Variants in CEP350 observed in about 807,000 individuals in gnomAD.
The protein encoded by CEP350 is centrosomal protein 350.
In CEP350, 126 loss-of-function variants were observed where a neutral mutation model predicts 331.8. The ratio of observed to expected loss-of-function variants is 0.38; its 90% confidence interval spans 0.33 to 0.44. The LOEUF (loss-of-function observed/expected upper bound fraction) is 0.44. Among genes scored for constraint, CEP350 ranks in the 20% least tolerant of loss-of-function variants. CEP350 has a pLI of 1.00. For missense variants in CEP350, 3,406 were observed against 3,634.6 expected, an observed-to-expected ratio of 0.94 and a Z score of 1.62; for synonymous variants, 1,200 against 1,259.5, an observed-to-expected ratio of 0.95 and a Z score of 1.00.
chr1:180,102,032 G>A (rs1284233537), intron 37 of CEP350, among the ~76,000 whole-genome samples: 1 of 152,138 alleles, frequency 6.6e-6, no homozygotes, highest in African/African-American at 2.4e-5. Context: ...GTATTGGGTA[G>A]GACCCTCTCA....
rs879040644 is a variant in CEP350, at chr1:180,003,051, G to A, written c.1019-123G>A. 19 of 640,282 alleles carry A rather than the reference G, an allele frequency of 3.0e-5. No individual in the cohort carries two copies. The South Asian group carries it at 3.7e-4, about 13-fold the overall frequency. 39.7% of individuals were successfully genotyped at this position (640,282 alleles called of 1,614,324 possible). A position where few individuals can be genotyped will look rare whatever the true frequency, so the allele number is the denominator to read the frequency against. On this transcript the variant is annotated intron_variant, in intron 6 of 37. Coordinates refer to ENST00000367607, the MANE Select transcript of CEP350 (RefSeq NM_014810.5). ...TTTTGTGAATATACTATAAACCACT[G>A]AATTGTAACACTAAAAGAGTGAATT...
chr1:180,052,823 TTTTG>T (rs1304465729), intron 22 of CEP350, 143 bp from the exon 23 acceptor site: 36 of 416,350 alleles, frequency 8.6e-5, no homozygotes, highest in Non-Finnish European at 1.4e-4. Context: ...GGCAAATGAA[TTTTG>T]TTTATTATTT....
At chr1:180,097,522 A>C (rs1460332152) in intron 36 of CEP350, among the ~76,000 whole-genome samples, 1 of 152,196 alleles carries the variant, frequency 6.6e-6, no homozygotes, top group Non-Finnish European at 1.5e-5. Flanking sequence ...CTGATTCATA[A>C]ATGTGTCCCT....
In CEP350 at chr1:180,020,670, T is replaced by G; in HGVS notation, c.2896T>G (p.Cys966Gly). Residue 966 changes from cysteine to glycine, a missense_variant, in exon 12 of 38, where the codon TGT (cysteine) becomes GGT (glycine). This residue lies in a region of CEP350 where 1,857 missense variants were observed against 1,909.2 expected (regional missense o/e 0.97). Transcript: ENST00000367607. Reference sequence around the variant, plus strand: ...CTCTTCTAGCTCTGATATGCAAGCCTGTTCTCAAGACAAAGCCAAAATATC... The same window carrying G: ...CTCTTCTAGCTCTGATATGCAAGCCGGTTCTCAAGACAAAGCCAAAATATC... ...TDSSSSDMQACSQDKAKISLG... is the reference protein window; with the variant it reads ...TDSSSSDMQAGSQDKAKISLG... 1 of 1,614,040 alleles carries G rather than the reference T, an allele frequency of 6.2e-7. No homozygotes were observed. Among genetic ancestry groups the G allele is most frequent in the Non-Finnish European group, 8.5e-7 (1 of 1,179,902 alleles).
intron 1 of CEP350, among the ~76,000 whole-genome samples, chr1:179,976,773 G>A (rs1447463868): frequency 6.6e-6 from 1 of 152,100 alleles, no homozygotes; most frequent in Non-Finnish European, 1.5e-5. Flanking sequence ...TTAGAGGTTT[G>A]AAATGAATGA....
chr1:180,090,556 AAAAAAAAAAAAAAAG>A (rs1558152358), intron 32 of CEP350, among the ~76,000 whole-genome samples, 143 bp from the exon 33 acceptor site: 2 of 75,614 alleles, frequency 2.6e-5, no homozygotes, highest in Non-Finnish European at 6.8e-5. Context: ...AAAAAAAAAA[AAAAAAAAAAAAAAAG>A]AAATAGGCTT....
intron 31 of CEP350, among the ~76,000 whole-genome samples, chr1:180,085,029 C>G (rs1659778812): frequency 6.7e-6 from 1 of 150,342 alleles, no homozygotes; most frequent in Non-Finnish European, 1.5e-5. Context: ...CTTCCCTTCC[C>G]CCTTTCCTCT....
At chr1:180,080,298 A>C (rs1019012117) in intron 29 of CEP350, among the ~76,000 whole-genome samples, 12 of 150,560 alleles carry the variant, frequency 8.0e-5, no homozygotes, top group Non-Finnish European at 1.6e-4. Context: ...CTATGCCTTC[A>C]AAAAAAAATG....
intron 19 of CEP350, 34 bp downstream of exon 19, chr1:180,041,836 T>A (rs1339870569): frequency 6.3e-7 from 1 of 1,584,368 alleles, no homozygotes; most frequent in Admixed American, 1.8e-5. Flanking sequence ...TCTTTTTACT[T>A]CTTTTTAGTC....
intron 22 of CEP350, chr1:180,052,115 C>G: frequency 2.4e-6 from 1 of 419,016 alleles, no homozygotes; most frequent in South Asian, 1.7e-5. Flanking sequence ...TAATATACAT[C>G]CATATATTAC....
chr1:180,087,458 G>T lies in CEP350; in HGVS notation c.6286-120G>T, dbSNP rs571237813. ...TGATGCTGAGGGGGGCAGGGAGGGA[G>T]ATTTTTATATTACATCTTCTTTACT... On this transcript the variant is annotated intron_variant, in intron 31 of 37. Transcript: ENST00000367607. 1.6e-5 allele frequency: 15 copies of T among 936,260 alleles called. No homozygotes were observed. The African/African-American group carries it at 2.6e-4, about 16-fold the overall frequency. The allele number at this position is 936,260 out of a possible 1,614,324, so 58.0% of individuals were successfully genotyped here. A position where few individuals can be genotyped will look rare whatever the true frequency, so the allele number is the denominator to read the frequency against.
chr1:180,057,689 A>G (rs1333387031), intron 25 of CEP350, among the ~76,000 whole-genome samples: 1 of 151,782 alleles, frequency 6.6e-6, no homozygotes, highest in Non-Finnish European at 1.5e-5. Context: ...TTCTTTTGCT[A>G]TTTTATTAGA....
At chr1:180,063,068 C>A (rs2149011615) in intron 26 of CEP350, among the ~76,000 whole-genome samples, 1 of 151,914 alleles carries the variant, frequency 6.6e-6, no homozygotes, top group East Asian at 1.9e-4. Context: ...CAAACAAATT[C>A]TTCAGAATTA....
chr1:180,096,229 C>A, intron 36 of CEP350, 45 bp downstream of exon 36: 2 of 1,511,724 alleles, frequency 1.3e-6, no homozygotes, highest in South Asian at 1.3e-5. Context: ...ACTTGCTGTT[C>A]ATTTACACAT....
chr1:179,972,107 G>T (rs1194978656), intron 1 of CEP350, among the ~76,000 whole-genome samples: 1 of 152,160 alleles, frequency 6.6e-6, no homozygotes, highest in Non-Finnish European at 1.5e-5. Context: ...TAATGAGCTG[G>T]CTCTTGGAGA....
chr1:180,039,297 G>C (rs1656595183), intron 17 of CEP350, among the ~76,000 whole-genome samples: 1 of 135,956 alleles, frequency 7.4e-6, no homozygotes, highest in Non-Finnish European at 1.6e-5. Context: ...GGAGGGGAGG[G>C]AGGGGAGGGA....
chr1:180,085,055 T>A (rs1326281393), intron 31 of CEP350, among the ~76,000 whole-genome samples: 1 of 151,374 alleles, frequency 6.6e-6, no homozygotes, highest in Non-Finnish European at 1.5e-5. Flanking sequence ...CTTCCTTCCC[T>A]CTTCCCTGTC....
chr1:180,066,159 CATT>C (rs1658538762), intron 27 of CEP350, among the ~76,000 whole-genome samples: 1 of 152,140 alleles, frequency 6.6e-6, no homozygotes, highest in Non-Finnish European at 1.5e-5. Context: ...AGTTGTACAT[CATT>C]GTTGACCATA....
chr1:180,074,001 T>A (rs1659059454), intron 27 of CEP350: 4 of 1,161,612 alleles, frequency 3.4e-6, no homozygotes, highest in South Asian at 1.4e-5. Context: ...CTCTCTTTTT[T>A]TTTAATAGCC....
Sources: allele counts gnomAD v4.1 joint callset (sites outside exome capture counted in the v4.1 genomes callset), GRCh38; gene constraint gnomAD v4.1.1; regional missense constraint gnomAD v4.1.1; transcripts MANE v1.5; gene names NCBI Gene and HGNC (gene_info 2026-07-23, HGNC 2026-07-21).